The following SLITRK3 variants were observed in gnomAD, a reference collection of about 807,000 sequenced individuals.
SLITRK3 encodes the protein SLIT and NTRK like family member 3.
SLITRK3 carries 16 observed loss-of-function variants against 63.6 expected under a neutral mutation model. That is an observed-to-expected ratio of 0.25 (90% CI 0.17 to 0.38). SLITRK3 has a LOEUF of 0.38. Ranked by LOEUF, SLITRK3 falls within the 10% of genes least tolerant of loss-of-function variation. The probability of loss-of-function intolerance (pLI) is 1.00; values close to 1 mark genes in which losing one functional copy is unlikely to be tolerated. For synonymous variants in SLITRK3, 547 were observed against 451.6 expected (o/e 1.21, Z -2.68); for missense variants, 1,117 against 1,181.4 (o/e 0.95, Z 0.80).
At position 165,187,725 on chromosome 3, in the gene SLITRK3, A is replaced by G; in HGVS notation, c.*172T>C. ...TCCTCCAAATCGCATCTGAGAGGGG[A>G]GAGCATACATCTGTATTCTCTAGTT... On this transcript the variant is annotated 3_prime_UTR_variant, in exon 2 of 2. Coordinates refer to ENST00000475390, the MANE Select transcript of SLITRK3 (RefSeq NM_001318810.2). The G allele has an allele frequency of 3.9e-6, 2 of 517,914 alleles. No homozygotes were observed. Among genetic ancestry groups the G allele is most frequent in the Non-Finnish European group, 6.7e-6 (2 of 296,656 alleles). The allele number at this position is 517,914 out of a possible 1,614,324, so 32.1% of individuals were successfully genotyped here.
In SLITRK3 at chr3:165,193,416, G is replaced by C. The variant is rs147808776; in HGVS notation, c.-22+2164C>G. Among the ~76,000 whole-genome samples the C allele has an allele frequency of 3.2e-3, 483 of 151,792 alleles. 2 individuals carry two copies. Among genetic ancestry groups the C allele is most frequent in the African/African-American group, 0.011 (473 of 41,364 alleles). On this transcript the variant is annotated intron_variant, in intron 1 of 1. Coordinates refer to ENST00000475390, the MANE Select transcript of SLITRK3 (RefSeq NM_001318810.2). ...GGTTTGAAAAGTGAGACTATCCTTCGTAAGTATCATTTTCACAGGACAGCC... is the reference window on the plus strand; with the variant it reads ...GGTTTGAAAAGTGAGACTATCCTTCCTAAGTATCATTTTCACAGGACAGCC...
Position 165,188,439 on chromosome 3 carries a change from C to A in SLITRK3, c.2392G>T (p.Ala798Ser). 1 of 1,613,920 alleles carries A rather than the reference C, an allele frequency of 6.2e-7. No individual in the cohort carries two copies. The highest frequency in any genetic ancestry group is 8.5e-7 in the Non-Finnish European group (1 of 1,179,960). ...CTATGGTTCTCCTTGGGTGTCTCAG[C>A]AAACTGCTCACTTCCTAGGAGAGCC... ...GEALLGSEQF[A>S]ETPKENHSNY... The change falls in exon 2 of 2, where the codon GCT (alanine) becomes TCT (serine). Residue 798 changes from alanine to serine, a missense_variant. Physicochemically the swap from Ala to Ser is moderately conservative, Grantham distance 99. Transcript: ENST00000475390.
chr3:165,190,053 T>G lies in SLITRK3; in HGVS notation c.778A>C (p.Thr260Pro), dbSNP rs1718142031. 1.2e-6 allele frequency: 2 copies of G among 1,614,104 alleles called. No homozygotes were observed. Among genetic ancestry groups the G allele is most frequent in the Non-Finnish European group, 1.7e-6 (2 of 1,180,014 alleles). ...IPYTALVGDITCETPFHFHGK... is the reference protein window; with the variant it reads ...IPYTALVGDIPCETPFHFHGK... Reference sequence around the variant, plus strand: ...TGGAAGTGGAAAGGGGTCTCACAGGTAATGTCTCCCACCAGGGCAGTATAA... The same window carrying G: ...TGGAAGTGGAAAGGGGTCTCACAGGGAATGTCTCCCACCAGGGCAGTATAA... The change falls in exon 2 of 2, where the codon ACC (threonine) becomes CCC (proline). Residue 260 changes from threonine to proline, a missense_variant. By Grantham distance (38) the Thr-to-Pro change is conservative (BLOSUM62 -1). Around this residue, in one of 4 missense-constraint regions of SLITRK3, gnomAD observed 452 missense variants for 495.3 expected, o/e 0.91. Coordinates refer to ENST00000475390, the MANE Select transcript of SLITRK3 (RefSeq NM_001318810.2).
At chr3:165,196,938 C>G (rs994705268), upstream of SLITRK3, 1 of 129,690 alleles carries the variant, frequency 7.7e-6, no homozygotes, top group Admixed American at 7.9e-5. Flanking sequence ...CTCTCTCTGT[C>G]TCTCTCTCTC....
At position 165,188,373 on chromosome 3, in the gene SLITRK3, G is replaced by A; in HGVS notation, c.2458C>T (p.Leu820=). The A allele has an allele frequency of 6.2e-7, 1 of 1,613,936 alleles. No individual in the cohort carries two copies. Among genetic ancestry groups the A allele is most frequent in the South Asian group, 1.1e-5 (1 of 91,058 alleles). ...TTAAGCTGGGAGCTGGACACTGCTA[G>A]GGCCCACTCCTTCTCTTTTTCCAGC... is the stretch of plus-strand genomic sequence containing the variant. ...TLLEKEKEWA[L]AVSSSQLNTI... is the part of the protein sequence containing the mutation. Residue 820 remains leucine (L), a synonymous_variant, in exon 2 of 2, where the codon CTA becomes TTA. Transcript: ENST00000475390.
chr3:165,191,618 C>A (rs1718230248), intron 1 of SLITRK3, among the ~76,000 whole-genome samples: 1 of 152,042 alleles, frequency 6.6e-6, no homozygotes, highest in African/African-American at 2.4e-5. Context: ...GTGATTAGCC[C>A]TTCTAAAAAA....
At position 165,187,938 on chromosome 3, in the gene SLITRK3, C is replaced by T; in HGVS notation, c.2893G>A (p.Asp965Asn). 2 of 1,613,426 alleles carry T rather than the reference C, an allele frequency of 1.2e-6. No individual in the cohort carries two copies. Among genetic ancestry groups the T allele is most frequent in the Non-Finnish European group, 1.7e-6 (2 of 1,179,918 alleles). The change falls in exon 2 of 2, where the codon GAT becomes AAT. Residue 965 changes from aspartate (D) to asparagine (N), a missense_variant. Around this residue, in one of 4 missense-constraint regions of SLITRK3, gnomAD observed 499 missense variants for 463.6 expected, o/e 1.08. Transcript: ENST00000475390. ...ELRAKLQTKP[D>N]YLEVLEKTTY... ...GTCTTCTCCAGGACTTCGAGGTAAT[C>T]CGGCTTGGTTTGAAGTTTGGCCCTT...
At position 165,188,834 on chromosome 3, in the gene SLITRK3, G is replaced by A. The variant is rs1175446803; in HGVS notation, c.1997C>T (p.Ser666Leu). The change falls in exon 2 of 2, where the codon TCA becomes TTA. Residue 666 changes from serine to leucine, a missense_variant. Physicochemically the swap from Ser to Leu is moderately radical, Grantham distance 145. This residue lies in a region of SLITRK3 where 499 missense variants were observed against 463.6 expected (regional missense o/e 1.08). Coordinates refer to ENST00000475390, the MANE Select transcript of SLITRK3 (RefSeq NM_001318810.2). ...GAGGCCTGCAGCAACAAAGACTGCT[G>A]AGAAAAACAGAACCAGCAGGCTGAG... is the stretch of plus-strand genomic sequence containing the variant. ...LILSLLVLFFSAVFVAAGLFA... is the reference protein window; with the variant it reads ...LILSLLVLFFLAVFVAAGLFA... The A allele has an allele frequency of 1.2e-6, 2 of 1,614,172 alleles. No individual in the cohort carries two copies. The highest frequency in any genetic ancestry group is 1.7e-6 in the Non-Finnish European group (2 of 1,180,022).
Position 165,189,052 on chromosome 3 carries a change from G to C in SLITRK3, c.1779C>G (p.Ser593Arg), listed in dbSNP as rs1022330252. Residue 593 changes from serine (S) to arginine (R), a missense_variant, in exon 2 of 2, where the codon AGC (serine) becomes AGG (arginine). By Grantham distance (110) the Ser-to-Arg change is moderately radical (BLOSUM62 -1). Around this residue, in one of 4 missense-constraint regions of SLITRK3, gnomAD observed 158 missense variants for 197.2 expected, o/e 0.80. Coordinates refer to ENST00000475390, the MANE Select transcript of SLITRK3 (RefSeq NM_001318810.2). This position sits in a 1 kb window ranked among gnomAD's most constrained non-coding sequence, Gnocchi z 4.0. Reference sequence around the variant, plus strand: ...CATCACGGTGCGTGAGGTTCTCAGGGCTCCTGCAAAGCACATCACCAACCA... The same window carrying C: ...CATCACGGTGCGTGAGGTTCTCAGGCCTCCTGCAAAGCACATCACCAACCA... ...VSVVGDVLCRSPENLTHRDVR... is the reference protein window; with the variant it reads ...VSVVGDVLCRRPENLTHRDVR... 6.2e-7 allele frequency: 1 copy of C among 1,614,156 alleles called. No homozygotes were observed. The highest frequency in any genetic ancestry group is 8.5e-7 in the Non-Finnish European group (1 of 1,180,042).
rs1464177726 is a variant in SLITRK3 at position 165,190,224 on chromosome 3, G to A, written c.607C>T (p.Leu203=). 10 of 1,614,136 alleles carry A rather than the reference G, an allele frequency of 6.2e-6. No homozygotes were observed. Among genetic ancestry groups the A allele is most frequent in the Non-Finnish European group, 6.8e-6 (8 of 1,180,018 alleles). Residue 203 remains leucine, a synonymous_variant, in exon 2 of 2, where the codon CTA becomes TTA. Coordinates refer to ENST00000475390, the MANE Select transcript of SLITRK3 (RefSeq NM_001318810.2). The stretch of plus-strand genomic sequence containing the variant: ...AGAACCTTTAACCTATTTCCACGTA[G>A]GTCCAAATGGGTTAAAGAGACAGCC... ...FKAVSLTHLD[L]RGNRLKVLFY... is the part of the protein sequence containing the mutation.
chr3:165,191,714 A>G (rs4858790), intron 1 of SLITRK3, among the ~76,000 whole-genome samples: 148,511 of 152,316 alleles, frequency 0.98, 72,428 homozygotes, highest in South Asian at 0.99. Context: ...CATTTGCAAA[A>G]CTTAGTTTGG....
At chr3:165,192,024 T>A (rs1208575030) in intron 1 of SLITRK3, among the ~76,000 whole-genome samples, 2 of 152,248 alleles carry the variant, frequency 1.3e-5, no homozygotes, top group African/African-American at 4.8e-5. Context: ...AATGCAGTTT[T>A]ATTACACTGT....
rs1302582772 is a variant in SLITRK3, at chr3:165,195,834, G to A, written c.-276C>T. 2 of 152,702 alleles carry A rather than the reference G, an allele frequency of 1.3e-5. No individual in the cohort carries two copies. The highest frequency in any genetic ancestry group is 2.9e-5 in the Non-Finnish European group (2 of 68,102). 9.5% of individuals were successfully genotyped at this position (152,702 alleles called of 1,614,324 possible). ...CGGGGCGCGCACCTAGCGCGGCGAT[G>A]CCAGCGACAGGGAGCTCACGACCAC... On this transcript the variant is annotated 5_prime_UTR_variant, in exon 1 of 2. Transcript: ENST00000475390.
chr3:165,193,789 G>C (rs972730929), intron 1 of SLITRK3, among the ~76,000 whole-genome samples: 2 of 152,008 alleles, frequency 1.3e-5, no homozygotes, highest in African/African-American at 4.8e-5. Context: ...GTGGATTTAA[G>C]GATTTGGATG....
At chr3:165,192,783 C>T (rs1442616034) in intron 1 of SLITRK3, among the ~76,000 whole-genome samples, 1 of 151,848 alleles carries the variant, frequency 6.6e-6, no homozygotes, top group Non-Finnish European at 1.5e-5. Context: ...CCGCTTGGCA[C>T]ACTCAGTAGA....
In SLITRK3 at chr3:165,189,055, C is replaced by T. The variant is rs776301093; in HGVS notation, c.1776G>A (p.Arg592=). 12 of 1,614,022 alleles carry T rather than the reference C, an allele frequency of 7.4e-6. No individual in the cohort carries two copies. The highest frequency in any genetic ancestry group is 1.6e-4 in the Middle Eastern group (1 of 6,084). The part of the protein sequence containing the change: ...SVSVVGDVLC[R]SPENLTHRDV... ...CACGGTGCGTGAGGTTCTCAGGGCT[C>T]CTGCAAAGCACATCACCAACCACAC... The change falls in exon 2 of 2, where the codon AGG becomes AGA. Residue 592 remains arginine (R), a synonymous_variant. Transcript: ENST00000475390. This position sits in a 1 kb window ranked among gnomAD's most constrained non-coding sequence, Gnocchi z 4.0.
In SLITRK3 at chr3:165,192,511, T is replaced by G. The variant is rs527723991; in HGVS notation, c.-21-1660A>C. 3.9e-5 allele frequency among the ~76,000 whole-genome samples: 6 copies of G among 152,090 alleles called. No individual in the cohort carries two copies. The South Asian group carries it at 6.2e-4, about 16-fold the overall frequency. On this transcript the variant is annotated intron_variant, in intron 1 of 1. Coordinates refer to ENST00000475390, the MANE Select transcript of SLITRK3 (RefSeq NM_001318810.2). ...TTGGACTTACCTATTTTGCCAGAGT[T>G]TTTTTGGGTTTCGGGTTTTTTTGTA...
chr3:165,188,501 C>A lies in SLITRK3; in HGVS notation c.2330G>T (p.Arg777Leu), dbSNP rs754951557. ...SSAQEAGSAE[R>L]GGPGTQPPGM... Reference sequence around the variant, plus strand: ...CGGTGGTTGTGTCCCTGGACCCCCACGTTCTGCACTCCCTGCTTCTTGGGC... The same window carrying A: ...CGGTGGTTGTGTCCCTGGACCCCCAAGTTCTGCACTCCCTGCTTCTTGGGC... The change falls in exon 2 of 2, where the codon CGT becomes CTT. Residue 777 changes from arginine to leucine, a missense_variant. Physicochemically the swap from Arg to Leu is moderately radical, Grantham distance 102. Transcript: ENST00000475390. 2.5e-6 allele frequency: 4 copies of A among 1,613,994 alleles called. No individual in the cohort carries two copies.
chr3:165,196,250 G>C lies in SLITRK3; in HGVS notation c.-692C>G, dbSNP rs1718412518. The stretch of plus-strand genomic sequence containing the variant: ...CAGCATTGGTCAGACGGCGAAGGTG[G>C]GGGGAAAGAAGGAGAGGGGGAGAGA... On this transcript the variant is annotated 5_prime_UTR_variant, in exon 1 of 2. Coordinates refer to ENST00000475390, the MANE Select transcript of SLITRK3 (RefSeq NM_001318810.2). Among the ~76,000 whole-genome samples, 3 of 149,156 alleles carry C rather than the reference G, an allele frequency of 2.0e-5. No individual in the cohort carries two copies. The highest frequency in any genetic ancestry group is 2.0e-4 in the Admixed American group (3 of 15,006).
Sources: gnomAD v4.1 joint callset for allele counts (sites outside exome capture counted in the v4.1 genomes callset) on GRCh38, gnomAD v4.1.1 for gene constraint, gnomAD v4.1.1 regional missense constraint, Gnocchi (gnomAD v3.1) non-coding constraint, MANE v1.5 for transcripts, NCBI Gene and HGNC (gene_info 2026-07-23, HGNC 2026-07-21) for gene names.